XKR6: variants seen among roughly 807,000 people sequenced by gnomAD.
The protein encoded by XKR6 is XK-related protein 6.
A neutral mutation model predicts 56.7 loss-of-function variants in XKR6; 22 were observed. The ratio of observed to expected loss-of-function variants is 0.39; its 90% CI spans 0.28 to 0.55. The LOEUF is 0.55. Ranked by LOEUF, XKR6 falls within the 20% of genes least tolerant of loss-of-function variation. The pLI is 0.66. For synonymous variants in XKR6, 524 were observed against 387.8 expected (o/e 1.35, Z -4.13); for missense variants, 852 against 889.0 (o/e 0.96, Z 0.53).
chr8:11,143,039 A>C (rs897059344), intron 1 of XKR6, among the ~76,000 whole-genome samples: 4 of 152,254 alleles, frequency 2.6e-5, no homozygotes, highest in African/African-American at 9.6e-5. Context: ...TAAACTCAAC[A>C]ACCAAATAGA....
intron 1 of XKR6, among the ~76,000 whole-genome samples, chr8:11,058,404 G>T (rs1263806361): frequency 2.0e-5 from 3 of 152,166 alleles, no homozygotes; most frequent in Admixed American, 1.3e-4. Flanking sequence ...ATTTACAATA[G>T]CAAAGGCTAT....
intron 1 of XKR6, among the ~76,000 whole-genome samples, chr8:11,043,522 G>A (rs1799336148): frequency 1.3e-5 from 2 of 152,232 alleles, no homozygotes; most frequent in South Asian, 4.1e-4. Context: ...CTGAGCCTCA[G>A]TCTCTGCCCC....
chr8:11,044,704 T>A (rs1799365021), intron 1 of XKR6, among the ~76,000 whole-genome samples: 1 of 151,962 alleles, frequency 6.6e-6, no homozygotes, highest in South Asian at 2.1e-4. Context: ...CTGCAACCTC[T>A]GCCTCCTGGG....
In XKR6 at chr8:10,907,911, C is replaced by G. The variant is rs541249500; in HGVS notation, c.962-8995G>C. On this transcript the variant is annotated intron_variant, in intron 2 of 2. Coordinates refer to ENST00000416569, the MANE Select transcript of XKR6 (RefSeq NM_173683.4). ...TCTCTTGCCTGAATTGCCGGAATGG[C>G]CTCCTAACTGGTCTCTCTGCATCTG... Among the ~76,000 whole-genome samples the G allele has an allele frequency of 9.2e-5, 14 of 152,338 alleles. No homozygotes were observed. The East Asian group carries it at 2.5e-3, about 27-fold the overall frequency.
intron 1 of XKR6, among the ~76,000 whole-genome samples, chr8:11,098,134 G>A (rs146474891): frequency 1.7e-3 from 262 of 152,170 alleles, no homozygotes; most frequent in African/African-American, 6.0e-3. Context: ...GGCTTGTTAG[G>A]AAGGCAGAAT....
intron 1 of XKR6, among the ~76,000 whole-genome samples, chr8:11,111,388 G>A (rs926927686): frequency 2.0e-5 from 3 of 152,098 alleles, no homozygotes; most frequent in Non-Finnish European, 4.4e-5. Context: ...GTAGCACTGT[G>A]CCACAAGTAT....
At chr8:10,938,050 G>A (rs549550519) in intron 1 of XKR6, among the ~76,000 whole-genome samples, 257 of 152,282 alleles carry the variant, frequency 1.7e-3, no homozygotes, top group African/African-American at 6.0e-3. Context: ...AGCAATCAGC[G>A]AGACTCCGTG....
chr8:11,107,010 C>A (rs546174542), intron 1 of XKR6, among the ~76,000 whole-genome samples: 2 of 151,982 alleles, frequency 1.3e-5, no homozygotes, highest in East Asian at 3.9e-4. Context: ...TTTAAGGCAA[C>A]TGAAAACCTC....
At chr8:10,996,873 C>A (rs1798125235) in intron 1 of XKR6, among the ~76,000 whole-genome samples, 1 of 152,064 alleles carries the variant, frequency 6.6e-6, no homozygotes, top group Non-Finnish European at 1.5e-5. Flanking sequence ...GAGGGTGAGG[C>A]AGGAGGATGG....
intron 1 of XKR6, among the ~76,000 whole-genome samples, chr8:11,084,233 A>G (rs1797812989): frequency 6.6e-6 from 1 of 152,262 alleles, no homozygotes; most frequent in South Asian, 2.1e-4. Flanking sequence ...AACCACTGAT[A>G]TCTACCAAAC....
At chr8:11,020,223 G>A (rs1258773214) in intron 1 of XKR6, among the ~76,000 whole-genome samples, 2 of 152,146 alleles carry the variant, frequency 1.3e-5, no homozygotes, top group African/African-American at 4.8e-5. Context: ...GGCTCTCAGT[G>A]GAGCCAGGGC....
At chr8:10,913,217 A>G (rs975433552) in intron 2 of XKR6, among the ~76,000 whole-genome samples, 4 of 151,820 alleles carry the variant, frequency 2.6e-5, no homozygotes, top group African/African-American at 9.7e-5. Context: ...TACATTGTTC[A>G]TATACTTGTT....
intron 1 of XKR6, among the ~76,000 whole-genome samples, chr8:11,142,063 T>C (rs553352266): frequency 2.0e-5 from 3 of 151,230 alleles, no homozygotes; most frequent in African/African-American, 7.3e-5. Context: ...CCAAGACAAG[T>C]TGTTCTGAAC....
chr8:10,961,991 T>C (rs574186638), intron 1 of XKR6, among the ~76,000 whole-genome samples: 5 of 152,288 alleles, frequency 3.3e-5, no homozygotes, highest in Non-Finnish European at 7.4e-5. Context: ...GTAAAAGCTA[T>C]CCCTTTTATT....
chr8:11,105,867 C>T (rs1336160298), intron 1 of XKR6: 2 of 152,188 alleles, frequency 1.3e-5, no homozygotes, highest in Admixed American at 6.5e-5. Flanking sequence ...CAAACATATA[C>T]AAGCAGCTTC....
intron 1 of XKR6, among the ~76,000 whole-genome samples, chr8:11,068,614 G>C (rs7814341): frequency 0.059 from 8,964 of 152,202 alleles, 928 homozygotes; most frequent in African/African-American, 0.21. Context: ...GGCAGGTCCT[G>C]GTGCCCACAC....
At chr8:10,906,502 C>G (rs1800193932) in intron 2 of XKR6, among the ~76,000 whole-genome samples, 1 of 152,190 alleles carries the variant, frequency 6.6e-6, no homozygotes, top group African/African-American at 2.4e-5. Context: ...TCTTTTAAAA[C>G]TTTTGCTGAA....
intron 1 of XKR6, among the ~76,000 whole-genome samples, chr8:10,990,895 C>CTTTGTTTTTTTTT (rs1797975602): frequency 1.4e-5 from 1 of 73,592 alleles, no homozygotes; most frequent in African/African-American, 5.9e-5. Flanking sequence ...TGGGGAATGT[C>CTTTGTTTTTTTTT]TTTTTTTTTT....
At chr8:10,951,214 A>T (rs951851327) in intron 1 of XKR6, among the ~76,000 whole-genome samples, 2 of 150,440 alleles carry the variant, frequency 1.3e-5, no homozygotes, top group Non-Finnish European at 3.0e-5. Context: ...TGTTCAAATG[A>T]GCAAATAGTG....
Sources: gnomAD v4.1 joint callset for allele counts (sites outside exome capture counted in the v4.1 genomes callset) on GRCh38, gnomAD v4.1.1 for gene constraint, MANE v1.5 for transcripts, NCBI Gene and HGNC (gene_info 2026-07-23, HGNC 2026-07-21) for gene names.